The following TBC1D22A variants were observed in gnomAD, a reference collection of about 807,000 sequenced individuals.
TBC1D22A encodes putative GTPase activator.
TBC1D22A carries 38 observed loss-of-function variants against 60.2 expected under a neutral mutation model. The ratio of observed to expected loss-of-function variants is 0.63; its 90% confidence interval spans 0.49 to 0.83. TBC1D22A has a LOEUF of 0.83. TBC1D22A is among the 40% of genes least tolerant of loss of function. TBC1D22A has a pLI of 0.00. For synonymous variants in TBC1D22A, 302 were observed against 281.7 expected (o/e 1.07, Z -0.72); for missense variants, 628 against 701.0 (o/e 0.90, Z 1.18).
At chr22:47,102,026 C>A (rs897296578) in intron 11 of TBC1D22A, among the ~76,000 whole-genome samples, 3 of 152,174 alleles carry the variant, frequency 2.0e-5, no homozygotes, top group African/African-American at 4.8e-5. Flanking sequence ...TACGGTTTCG[C>A]AGGTGACCAG....
At chr22:46,855,406 A>C (rs1015085500) in intron 4 of TBC1D22A, among the ~76,000 whole-genome samples, 1 of 152,202 alleles carries the variant, frequency 6.6e-6, no homozygotes, top group Non-Finnish European at 1.5e-5. Flanking sequence ...TCATCTGTGC[A>C]GTGATACCAC....
Position 47,018,464 on chromosome 22 carries a change from C to T in TBC1D22A, c.1202-18607C>T, listed in dbSNP as rs999173670. 2.6e-5 allele frequency among the ~76,000 whole-genome samples: 4 copies of T among 152,180 alleles called. No individual in the cohort carries two copies. In the South Asian group the frequency reaches 8.3e-4, roughly 32 times the overall value. On this transcript the variant is annotated intron_variant, in intron 10 of 12. Coordinates refer to ENST00000337137, the MANE Select transcript of TBC1D22A (RefSeq NM_014346.5). ...TGGCTAGACTGCTTTTAATTTAAGC[C>T]TCCTCTTCTCTGCCTGCCGTTCGGC...
At chr22:47,093,054 T>A (rs1206231717) in intron 11 of TBC1D22A, among the ~76,000 whole-genome samples, 1 of 152,200 alleles carries the variant, frequency 6.6e-6, no homozygotes, top group East Asian at 1.9e-4. Flanking sequence ...AGTTAATCCT[T>A]CTTGCAACTT....
At chr22:47,034,431 C>T (rs1031825942) in intron 10 of TBC1D22A, among the ~76,000 whole-genome samples, 3 of 152,128 alleles carry the variant, frequency 2.0e-5, no homozygotes, top group South Asian at 2.1e-4. Flanking sequence ...GACTGAGAGT[C>T]GAGATGAGAA....
At chr22:46,937,679 C>G (rs139856486) in intron 8 of TBC1D22A, among the ~76,000 whole-genome samples, 1 of 152,142 alleles carries the variant, frequency 6.6e-6, no homozygotes, top group African/African-American at 2.4e-5. Context: ...TCAGAGGAGA[C>G]GATAGCTCCC....
At chr22:47,097,290 C>A (rs1006129373) in intron 11 of TBC1D22A, among the ~76,000 whole-genome samples, 1 of 152,166 alleles carries the variant, frequency 6.6e-6, no homozygotes, top group African/African-American at 2.4e-5. Flanking sequence ...TACAAAAATC[C>A]TGGATAAATG....
chr22:46,954,169 C>T (rs9616175), intron 8 of TBC1D22A, among the ~76,000 whole-genome samples: 9,302 of 152,180 alleles, frequency 0.061, 375 homozygotes, highest in Non-Finnish European at 0.088. Flanking sequence ...GTCCACAGGG[C>T]CCATAGGCAC....
chr22:46,868,505 C>T (rs1602233611), intron 4 of TBC1D22A, among the ~76,000 whole-genome samples: 1 of 152,162 alleles, frequency 6.6e-6, no homozygotes, highest in East Asian at 1.9e-4. Context: ...CTTGGGATCC[C>T]AAGCTTTTTG....
intron 10 of TBC1D22A, among the ~76,000 whole-genome samples, chr22:47,029,454 G>GAAC (rs1261614784): frequency 6.6e-6 from 1 of 152,178 alleles, no homozygotes; most frequent in Non-Finnish European, 1.5e-5. Flanking sequence ...CCAGATGACT[G>GAAC]AACGGGGGCC....
chr22:47,129,338 G>A (rs780735459), intron 12 of TBC1D22A, among the ~76,000 whole-genome samples: 4 of 152,200 alleles, frequency 2.6e-5, no homozygotes, highest in African/African-American at 9.7e-5. Flanking sequence ...TTAGCTGGGC[G>A]TGGTAGCACG....
chr22:47,164,558 G>A (rs926385080), intron 12 of TBC1D22A, among the ~76,000 whole-genome samples: 5 of 152,202 alleles, frequency 3.3e-5, no homozygotes, highest in East Asian at 3.9e-4. Context: ...GGAGACTGGC[G>A]GTCTCTCGGC....
intron 8 of TBC1D22A, among the ~76,000 whole-genome samples, chr22:46,970,476 A>G (rs1013978296): frequency 3.3e-5 from 5 of 152,018 alleles, no homozygotes; most frequent in African/African-American, 1.2e-4. Context: ...CTGCTGTCCT[A>G]TGGAGTGACA....
At chr22:46,907,197 G>C (rs923155969) in intron 7 of TBC1D22A, among the ~76,000 whole-genome samples, 2 of 152,080 alleles carry the variant, frequency 1.3e-5, no homozygotes, top group Non-Finnish European at 2.9e-5. Context: ...TGCATAGAAG[G>C]CTCCTCTCCT....
intron 4 of TBC1D22A, among the ~76,000 whole-genome samples, chr22:46,818,207 A>G (rs1330405946): frequency 1.3e-5 from 2 of 152,168 alleles, no homozygotes; most frequent in East Asian, 3.8e-4. Context: ...TTGCCTGTTC[A>G]TTTTGATGAT....
intron 4 of TBC1D22A, among the ~76,000 whole-genome samples, chr22:46,840,605 C>T (rs1453908638): frequency 3.9e-5 from 6 of 151,990 alleles, no homozygotes; most frequent in Non-Finnish European, 5.9e-5. Context: ...TGGTAGTGTG[C>T]GCCTGTAGTC....
At chr22:46,985,018 G>T (rs567717104) in intron 9 of TBC1D22A, among the ~76,000 whole-genome samples, 3 of 148,268 alleles carry the variant, frequency 2.0e-5, no homozygotes, top group African/African-American at 4.9e-5. Flanking sequence ...AGGCAGTTGA[G>T]GGGGGAGCCT....
intron 10 of TBC1D22A, among the ~76,000 whole-genome samples, chr22:47,031,458 G>C (rs1012858791): frequency 1.3e-5 from 2 of 152,238 alleles, no homozygotes; most frequent in African/African-American, 4.8e-5. Context: ...GAACGGCCTT[G>C]CCTGTGCCTG....
chr22:46,984,185 G>C (rs1180051169), intron 9 of TBC1D22A, among the ~76,000 whole-genome samples: 1 of 151,538 alleles, frequency 6.6e-6, no homozygotes, highest in Non-Finnish European at 1.5e-5. Context: ...TGGCCAACAT[G>C]GTAAAACCCT....
intron 12 of TBC1D22A, among the ~76,000 whole-genome samples, chr22:47,156,175 C>T (rs554601499): frequency 1.3e-5 from 2 of 152,338 alleles, no homozygotes; most frequent in East Asian, 1.9e-4. Flanking sequence ...CCCATGGTTT[C>T]ACAGGCTCTG....
Sources: allele counts gnomAD v4.1 joint callset (sites outside exome capture counted in the v4.1 genomes callset), GRCh38; gene constraint gnomAD v4.1.1; transcripts MANE v1.5; gene names NCBI Gene and HGNC (gene_info 2026-07-23, HGNC 2026-07-21).